Variants in DGKB observed in about 807,000 individuals in gnomAD.
DGKB encodes diacylglycerol kinase beta, also known as 90 kDa diacylglycerol kinase.
A neutral mutation model predicts 114.3 loss-of-function variants in DGKB; 67 were observed. That is an observed-to-expected ratio of 0.59 (90% CI 0.48 to 0.72). The LOEUF (loss-of-function observed/expected upper bound fraction) is 0.72. Among genes scored for constraint, DGKB ranks in the 30% least tolerant of loss-of-function variants. The probability of loss-of-function intolerance (pLI) is 0.00; values close to 1 mark genes in which losing one functional copy is unlikely to be tolerated. For missense variants in DGKB, 907 were observed against 975.2 expected, an observed-to-expected ratio of 0.93 and a Z score of 0.93; for synonymous variants, 398 against 323.1, an observed-to-expected ratio of 1.23 and a Z score of -2.49.
At chr7:14,469,098 C>T (rs1301641344) in intron 21 of DGKB, among the ~76,000 whole-genome samples, 2 of 151,996 alleles carry the variant, frequency 1.3e-5, no homozygotes, top group African/African-American at 4.8e-5. Context: ...GCTCAATGGT[C>T]ACCTTAATTT....
chr7:14,581,006 C>T (rs940481919), intron 18 of DGKB, 55 bp from the exon 19 acceptor site: 141 of 1,293,006 alleles, frequency 1.1e-4, no homozygotes, highest in East Asian at 1.7e-4. Context: ...GATAAAACGA[C>T]GGAAATAAAA....
chr7:14,461,013 G>T (rs1832997936), intron 21 of DGKB, among the ~76,000 whole-genome samples: 1 of 151,714 alleles, frequency 6.6e-6, no homozygotes. Context: ...GGGTAAAAAA[G>T]CAAATTAAGG....
chr7:14,505,987 T>G (rs918348553), intron 20 of DGKB, among the ~76,000 whole-genome samples: 2 of 152,124 alleles, frequency 1.3e-5, no homozygotes, highest in Non-Finnish European at 2.9e-5. Context: ...TATCGTCAAG[T>G]GTAAGTAATA....
At chr7:14,422,209 G>T (rs1404204445) in intron 21 of DGKB, among the ~76,000 whole-genome samples, 1 of 151,912 alleles carries the variant, frequency 6.6e-6, no homozygotes, top group African/African-American at 2.4e-5. Context: ...GATTAATCTG[G>T]TGTCAACAAA....
chr7:14,168,926 C>T (rs1780392597), intron 25 of DGKB, among the ~76,000 whole-genome samples: 2 of 152,194 alleles, frequency 1.3e-5, no homozygotes, highest in African/African-American at 4.8e-5. Context: ...TATCTCATTG[C>T]CTTCCAGAAA....
chr7:14,427,963 A>T (rs1827828136), intron 21 of DGKB, among the ~76,000 whole-genome samples: 1 of 152,128 alleles, frequency 6.6e-6, no homozygotes, highest in African/African-American at 2.4e-5. Flanking sequence ...TCTATGTTTT[A>T]AATTTTCCTG....
At chr7:14,838,064 A>T (rs1183233288) in intron 2 of DGKB, among the ~76,000 whole-genome samples, 5 of 152,152 alleles carry the variant, frequency 3.3e-5, no homozygotes. Context: ...CTGAACAACC[A>T]TTGATCTTTG....
chr7:14,413,325 G>A (rs1339035802), intron 21 of DGKB, among the ~76,000 whole-genome samples: 1 of 152,154 alleles, frequency 6.6e-6, no homozygotes, highest in African/African-American at 2.4e-5. Flanking sequence ...AAAATGGATA[G>A]CATTGCCATT....
At chr7:14,640,822 C>A (rs949439870) in intron 13 of DGKB, among the ~76,000 whole-genome samples, 1 of 152,160 alleles carries the variant, frequency 6.6e-6, no homozygotes, top group African/African-American at 2.4e-5. Context: ...ACTGTTTCAG[C>A]AGGAATCATT....
chr7:14,700,376 G>A (rs1356560853), intron 7 of DGKB, among the ~76,000 whole-genome samples: 1 of 151,906 alleles, frequency 6.6e-6, no homozygotes, highest in Non-Finnish European at 1.5e-5. Flanking sequence ...ACCACGCCTC[G>A]ATAATTTTTG....
intron 19 of DGKB, among the ~76,000 whole-genome samples, chr7:14,576,618 T>C (rs1351570123): frequency 6.6e-6 from 1 of 152,120 alleles, no homozygotes; most frequent in Non-Finnish European, 1.5e-5. Context: ...ATAATAATGC[T>C]TTCAAAAAGG....
chr7:14,805,960 T>C (rs142954619), intron 2 of DGKB, among the ~76,000 whole-genome samples: 2 of 151,480 alleles, frequency 1.3e-5, no homozygotes, highest in African/African-American at 4.8e-5. Flanking sequence ...ATTCTAACTT[T>C]GATTCTTTTT....
chr7:14,177,084 C>A (rs1394329729), intron 24 of DGKB, among the ~76,000 whole-genome samples, 185 bp from the exon 25 acceptor site: 1 of 152,104 alleles, frequency 6.6e-6, no homozygotes, highest in East Asian at 1.9e-4. Context: ...ACCTTAGTCA[C>A]AGGAATATTA....
chr7:14,933,957 T>G (rs1297061493), intron 1 of DGKB, among the ~76,000 whole-genome samples: 2 of 152,150 alleles, frequency 1.3e-5, no homozygotes, highest in Admixed American at 6.5e-5. Context: ...TCCCAATATG[T>G]TCCTCTCTGA....
intron 2 of DGKB, among the ~76,000 whole-genome samples, chr7:14,773,805 G>A (rs911157153): frequency 3.9e-5 from 6 of 152,060 alleles, no homozygotes; most frequent in African/African-American, 1.4e-4. Flanking sequence ...ATATATACTT[G>A]GCCTACATTT....
chr7:14,729,746 A>G (rs1830645537), intron 5 of DGKB, among the ~76,000 whole-genome samples: 1 of 152,144 alleles, frequency 6.6e-6, no homozygotes, highest in Admixed American at 6.5e-5. Flanking sequence ...AGTCAGTTCA[A>G]AAGTGGTTTA....
Position 14,841,390 on chromosome 7 carries a change from A to T in DGKB, c.-127T>A. ...ATAAAATACCTCAGGCTTTCAAAAT[A>T]TGCAATCTGTCCACATGAAACTGCT... On this transcript the variant is annotated 5_prime_UTR_variant, in exon 2 of 26. Coordinates refer to ENST00000402815, the MANE Select transcript of DGKB (RefSeq NM_001350709.2). 1.4e-6 allele frequency: 1 copy of T among 729,720 alleles called. No homozygotes were observed. The highest frequency in any genetic ancestry group is 2.2e-6 in the Non-Finnish European group (1 of 450,298). The allele number at this position is 729,720 out of a possible 1,614,324, so 45.2% of individuals were successfully genotyped here.
chr7:14,663,241 C>T (rs539376843), intron 13 of DGKB, among the ~76,000 whole-genome samples: 1 of 151,932 alleles, frequency 6.6e-6, no homozygotes, highest in South Asian at 2.1e-4. Context: ...GTGCTTGTAT[C>T]ATTCTCTTCA....
chr7:14,216,910 TG>T (rs1031648149), intron 23 of DGKB, among the ~76,000 whole-genome samples: 1 of 152,116 alleles, frequency 6.6e-6, no homozygotes, highest in Non-Finnish European at 1.5e-5. Flanking sequence ...AATGATTTTT[TG>T]TTTCTTTCCA....
Sources: gnomAD v4.1 joint callset for allele counts (sites outside exome capture counted in the v4.1 genomes callset) on GRCh38, gnomAD v4.1.1 for gene constraint, MANE v1.5 for transcripts, NCBI Gene and HGNC (gene_info 2026-07-23, HGNC 2026-07-21) for gene names.